MRPS22: variants seen among roughly 807,000 people sequenced by gnomAD.
MRPS22 encodes the protein small ribosomal subunit protein mS22.
A neutral mutation model predicts 44.0 loss-of-function variants in MRPS22; 30 were observed. The ratio of observed to expected loss-of-function variants is 0.68; its 90% confidence interval spans 0.51 to 0.93. The LOEUF (loss-of-function observed/expected upper bound fraction) is 0.93, where lower values mean the gene tolerates loss of function less well. Among genes scored for constraint, MRPS22 ranks in the 40% least tolerant of loss-of-function variants. MRPS22 has a pLI of 0.00. For missense variants in MRPS22, 447 were observed against 447.8 expected (o/e 1.00, Z 0.02); for synonymous variants, 165 against 154.4 (o/e 1.07, Z -0.51).
At position 139,350,266 on chromosome 3, in the gene MRPS22, C is replaced by T. The variant is rs774950261; in HGVS notation, c.592C>T (p.Pro198Ser). 85 of 1,613,986 alleles carry T rather than the reference C, an allele frequency of 5.3e-5. No individual in the cohort carries two copies. The South Asian group carries it at 9.2e-4, about 18-fold the overall frequency. ...GGACCGAATGATACAAGTTTATTTC[C>T]CAAAAGAAGGTCGTAAAATTTTGAC... The part of the protein sequence containing the change: ...ERDRMIQVYF[P>S]KEGRKILTPI... Residue 198 changes from proline to serine, a missense_variant, in exon 4 of 8, where the codon CCA becomes TCA. Transcript: ENST00000680020.
intron 7 of MRPS22, 50 bp downstream of exon 7, chr3:139,355,840 G>A: frequency 3.7e-6 from 5 of 1,334,744 alleles, no homozygotes; most frequent in Non-Finnish European, 5.4e-6. Flanking sequence ...ATTGAGCTGG[G>A]AAAAATTCAG....
At chr3:139,352,818 G>C (rs1020856188) in intron 6 of MRPS22, 26 bp downstream of exon 6, 2 of 1,607,220 alleles carry the variant, frequency 1.2e-6, no homozygotes, top group Admixed American at 1.7e-5. Context: ...GTAAGTGAAA[G>C]AATCATTCTT....
rs1941120381 is a variant in MRPS22, at chr3:139,350,257, G to A, written c.583G>A (p.Val195Ile). Reference protein sequence around the residue: ...SWEERDRMIQVYFPKEGRKIL... With the variant: ...SWEERDRMIQIYFPKEGRKIL... ...GGAAGAACGGGACCGAATGATACAA[G>A]TTTATTTCCCAAAAGAAGGTCGTAA... The change falls in exon 4 of 8, where the codon GTT becomes ATT. Residue 195 changes from valine to isoleucine, a missense_variant. By Grantham distance (29) the Val-to-Ile change is conservative (BLOSUM62 3). Transcript: ENST00000680020. 1 of 1,613,970 alleles carries A rather than the reference G, an allele frequency of 6.2e-7. No individual in the cohort carries two copies. The highest frequency in any genetic ancestry group is 1.3e-5 in the African/African-American group (1 of 74,890).
chr3:139,346,365 A>G (rs572469421), intron 1 of MRPS22, among the ~76,000 whole-genome samples: 1 of 151,478 alleles, frequency 6.6e-6, no homozygotes, highest in African/African-American at 2.4e-5. Context: ...GTCTCCCCAC[A>G]CCTCCCACTT....
intron 4 of MRPS22, 137 bp from the exon 5 acceptor site, chr3:139,350,840 A>G: frequency 1.3e-6 from 1 of 743,290 alleles, no homozygotes. Flanking sequence ...GACAATTACA[A>G]AGCCTGTGTT....
chr3:139,348,436 T>A, intron 3 of MRPS22, 112 bp downstream of exon 3: 2 of 1,076,698 alleles, frequency 1.9e-6, no homozygotes, highest in Admixed American at 3.5e-5. Flanking sequence ...AGATTTCCTC[T>A]GACTGGGTGA....
chr3:139,355,146 C>A, intron 6 of MRPS22, among the ~76,000 whole-genome samples: 1 of 152,128 alleles, frequency 6.6e-6, no homozygotes, highest in African/African-American at 2.4e-5. Flanking sequence ...TGCTATTTTA[C>A]TAATGCGTTC....
chr3:139,353,812 G>A (rs1398120950), intron 6 of MRPS22, among the ~76,000 whole-genome samples: 9 of 152,158 alleles, frequency 5.9e-5, no homozygotes. Context: ...GGATGCTCAA[G>A]TGACTTGTCT....
rs1471233730 is a variant in MRPS22 at position 139,346,653 on chromosome 3, G to A, written c.173-225G>A. 2.0e-5 allele frequency among the ~76,000 whole-genome samples: 3 copies of A among 152,178 alleles called. No individual in the cohort carries two copies. In the South Asian group the frequency reaches 6.2e-4, roughly 31 times the overall value. On this transcript the variant is annotated intron_variant, in intron 1 of 7. Coordinates refer to ENST00000680020, the MANE Select transcript of MRPS22 (RefSeq NM_020191.4). ...TACTTTATTACTGTTACTTCCTCTA[G>A]TAGTCTGTCCTTTTGGCAGAGACCG...
chr3:139,354,987 A>G (rs1416866317), intron 6 of MRPS22, among the ~76,000 whole-genome samples: 3 of 152,230 alleles, frequency 2.0e-5, no homozygotes, highest in Non-Finnish European at 4.4e-5. Context: ...TACATTTCTG[A>G]GAAGTACAGA....
chr3:139,354,077 T>A (rs1445721011), intron 6 of MRPS22, among the ~76,000 whole-genome samples: 1 of 152,222 alleles, frequency 6.6e-6, no homozygotes, highest in Non-Finnish European at 1.5e-5. Context: ...TAGCTTTTCC[T>A]GCTATTCCTA....
At chr3:139,352,029 G>T (rs1283332877) in intron 5 of MRPS22, 1 of 153,744 alleles carries the variant, frequency 6.5e-6, no homozygotes, top group Non-Finnish European at 1.4e-5. Context: ...TAGTTGATGG[G>T]GGGAGGGATA....
chr3:139,355,640 T>C (rs1176373357), intron 6 of MRPS22, 42 bp from the exon 7 acceptor site: 2 of 1,493,910 alleles, frequency 1.3e-6, no homozygotes, highest in Non-Finnish European at 9.3e-7. Flanking sequence ...GTGAATCAAA[T>C]GAAGAAAACC....
intron 3 of MRPS22, chr3:139,348,540 T>G: frequency 1.8e-6 from 1 of 563,788 alleles, no homozygotes; most frequent in Non-Finnish European, 3.2e-6. Context: ...ATAGGCACAG[T>G]ATTTTCCAGA....
Position 139,347,049 on chromosome 3 carries a change from G to A in MRPS22, c.339+5G>A, listed in dbSNP as rs991607690. ...ACTCAGGCACAGTTGGAAGAGGTACGTGAATGCAGGAATATTGTTAGAATA... is the reference window on the plus strand; with the variant it reads ...ACTCAGGCACAGTTGGAAGAGGTACATGAATGCAGGAATATTGTTAGAATA... On this transcript the variant is annotated splice_donor_5th_base_variant and intron_variant, in intron 2 of 7. Transcript: ENST00000680020. 10 of 1,613,990 alleles carry A rather than the reference G, an allele frequency of 6.2e-6. No homozygotes were observed. The highest frequency in any genetic ancestry group is 2.7e-5 in the African/African-American group (2 of 74,940).
chr3:139,348,749 T>C (rs1293240345), intron 3 of MRPS22, among the ~76,000 whole-genome samples: 1 of 152,214 alleles, frequency 6.6e-6, no homozygotes, highest in African/African-American at 2.4e-5. Context: ...GCCAAGAAAC[T>C]CAGGCATCAT....
rs761490818 is a variant in MRPS22, at chr3:139,346,960, G to T, written c.255G>T (p.Leu85Phe). Residue 85 changes from leucine to phenylalanine, a missense_variant, in exon 2 of 8, where the codon TTG becomes TTT. Transcript: ENST00000680020. Reference sequence around the variant, plus strand: ...GCATACTCACGAAAATGACAGGCTTGAACTTGCAGAAGACTTTTAAGCCAG... The same window carrying T: ...GCATACTCACGAAAATGACAGGCTTTAACTTGCAGAAGACTTTTAAGCCAG... ...VQSILTKMTGLNLQKTFKPAI... is the reference protein window; with the variant it reads ...VQSILTKMTGFNLQKTFKPAI... 3.8e-5 allele frequency: 62 copies of T among 1,614,088 alleles called. No individual in the cohort carries two copies. The highest frequency in any genetic ancestry group is 5.1e-5 in the Non-Finnish European group (60 of 1,180,034).
At chr3:139,349,103 A>G in intron 3 of MRPS22, 1 of 344,552 alleles carries the variant, frequency 2.9e-6, no homozygotes, top group South Asian at 2.3e-5. Flanking sequence ...AGCCATCTGT[A>G]TATTTGACAT....
intron 1 of MRPS22, 31 bp downstream of exon 1, chr3:139,344,229 GTTC>G (rs1560004212): frequency 3.2e-6 from 5 of 1,574,724 alleles, no homozygotes; most frequent in African/African-American, 2.7e-5. Flanking sequence ...TCGCTGGGGC[GTTC>G]TTCTGGGAGA....
Sources: allele counts gnomAD v4.1 joint callset (sites outside exome capture counted in the v4.1 genomes callset), GRCh38; gene constraint gnomAD v4.1.1; transcripts MANE v1.5; gene names NCBI Gene and HGNC (gene_info 2026-07-23, HGNC 2026-07-21).